FAM193A: variants seen among roughly 807,000 people sequenced by gnomAD.
FAM193A encodes the protein protein FAM193A.
A neutral mutation model predicts 126.5 loss-of-function variants in FAM193A; 22 were observed. The ratio of observed to expected loss-of-function variants is 0.17; its 90% confidence interval spans 0.12 to 0.25. The LOEUF is 0.25. Ranked by LOEUF, FAM193A falls within the 10% of genes least tolerant of loss-of-function variation. FAM193A has a pLI of 1.00. For synonymous variants in FAM193A, 761 were observed against 646.8 expected (o/e 1.18, Z -2.68); for missense variants, 1,675 against 1,672.8 (o/e 1.00, Z -0.02).
chr4:2,602,425 G>A (rs1254417908), intron 2 of FAM193A, among the ~76,000 whole-genome samples: 1 of 150,446 alleles, frequency 6.6e-6, no homozygotes, highest in Non-Finnish European at 1.5e-5. Flanking sequence ...TGTGATCTCG[G>A]CTCACTGAAA....
At chr4:2,719,680 GGTT>G (rs1443515048) in intron 20 of FAM193A, among the ~76,000 whole-genome samples, 3 of 151,424 alleles carry the variant, frequency 2.0e-5, no homozygotes, top group Non-Finnish European at 4.4e-5. Context: ...GGGAGGCGGA[GGTT>G]GTGGTGAGCC....
intron 12 of FAM193A, among the ~76,000 whole-genome samples, chr4:2,669,610 C>CAATA (rs1560545661): frequency 1.3e-5 from 2 of 151,786 alleles, no homozygotes; most frequent in African/African-American, 2.4e-5. Context: ...TCCGTCTCAA[C>CAATA]AATAAATAAA....
intron 19 of FAM193A, among the ~76,000 whole-genome samples, chr4:2,705,540 C>G (rs1718205271): frequency 2.6e-5 from 4 of 151,512 alleles, no homozygotes; most frequent in Admixed American, 2.6e-4. Context: ...TCCAATTTCT[C>G]TTTTTCCAAA....
intron 7 of FAM193A, among the ~76,000 whole-genome samples, chr4:2,657,491 A>C (rs1162580175): frequency 2.0e-5 from 3 of 152,204 alleles, no homozygotes; most frequent in Non-Finnish European, 4.4e-5. Context: ...CATTCAGGGC[A>C]CATAATGGGC....
chr4:2,727,246 A>G (rs956726007), intron 20 of FAM193A, among the ~76,000 whole-genome samples: 3 of 151,286 alleles, frequency 2.0e-5, no homozygotes, highest in African/African-American at 7.3e-5. Context: ...CAACAGCAAG[A>G]CTCCGTCTCA....
intron 13 of FAM193A, among the ~76,000 whole-genome samples, chr4:2,679,099 AG>A (rs1275380314): frequency 6.6e-6 from 1 of 151,908 alleles, no homozygotes; most frequent in Non-Finnish European, 1.5e-5. Context: ...TTCTATTCCT[AG>A]TTTGTTGGGT....
At chr4:2,728,670 G>GT (rs1238625056) in intron 20 of FAM193A, among the ~76,000 whole-genome samples, 5 of 152,086 alleles carry the variant, frequency 3.3e-5, no homozygotes, top group Admixed American at 2.0e-4. Context: ...GTCTGTGTGT[G>GT]TTGGCTTTGA....
chr4:2,642,059 G>A (rs1160523977), intron 6 of FAM193A, among the ~76,000 whole-genome samples: 4 of 151,424 alleles, frequency 2.6e-5, no homozygotes, highest in Non-Finnish European at 5.9e-5. Context: ...GGGAGGTCGA[G>A]GCGGGCAGAT....
chr4:2,598,173 A>G (rs1354526556), intron 2 of FAM193A, among the ~76,000 whole-genome samples: 1 of 152,186 alleles, frequency 6.6e-6, no homozygotes, highest in East Asian at 1.9e-4. Flanking sequence ...GATTATAGGC[A>G]TGAGCCACCG....
intron 1 of FAM193A, among the ~76,000 whole-genome samples, chr4:2,563,495 G>A (rs1014762073): frequency 6.6e-6 from 1 of 151,692 alleles, no homozygotes; most frequent in East Asian, 1.9e-4. Context: ...GCTTGAGGTC[G>A]GGAGTTCAAG....
At chr4:2,682,589 G>T (rs1715277648) in intron 13 of FAM193A, among the ~76,000 whole-genome samples, 2 of 152,150 alleles carry the variant, frequency 1.3e-5, no homozygotes, top group Non-Finnish European at 2.9e-5. Context: ...TATTCATTAT[G>T]AGTCTTTTTC....
intron 1 of FAM193A, among the ~76,000 whole-genome samples, chr4:2,548,439 A>G (rs1737703909): frequency 6.6e-6 from 1 of 151,550 alleles, no homozygotes. Context: ...ATAATTTGCC[A>G]ACATTTTCTT....
intron 2 of FAM193A, among the ~76,000 whole-genome samples, chr4:2,620,007 A>G (rs955790842): frequency 2.6e-5 from 4 of 152,026 alleles, no homozygotes; most frequent in African/African-American, 7.2e-5. Context: ...ATCTGTTTCT[A>G]TTGATTGGCT....
chr4:2,594,891 T>C (rs143939440), intron 1 of FAM193A, among the ~76,000 whole-genome samples: 6,178 of 133,926 alleles, frequency 0.046, 457 homozygotes, highest in African/African-American at 0.16. Flanking sequence ...TGCAGTGGCG[T>C]GATCTTGGCT....
intron 2 of FAM193A, among the ~76,000 whole-genome samples, chr4:2,618,952 G>A (rs1025073372): frequency 9.9e-5 from 15 of 152,058 alleles, no homozygotes; most frequent in Non-Finnish European, 1.8e-4. Flanking sequence ...GACTGGTCTC[G>A]AACTCCTGAC....
At position 2,700,423 on chromosome 4, in the gene FAM193A, G is replaced by C. The variant is rs1717584354; in HGVS notation, c.4251G>C (p.Glu1417Asp). ...AAAAGTCAAACCCAACCCCTATGGA[G>C]CCCACCTCTCCCGGTGAGCATCAGC... is the stretch of plus-strand genomic sequence containing the variant. ...KDEKSNPTPM[E>D]PTSPGEHQQN... The change falls in exon 19 of 21, where the codon GAG becomes GAC. Residue 1417 changes from glutamate to aspartate, a missense_variant. By Grantham distance (45) the Glu-to-Asp change is conservative. This residue lies in a region of FAM193A where 415 missense variants were observed against 396.7 expected (regional missense o/e 1.05). Coordinates refer to ENST00000637812, the MANE Select transcript of FAM193A (RefSeq NM_001366318.2). 1.9e-6 allele frequency: 3 copies of C among 1,614,184 alleles called. No homozygotes were observed. Among genetic ancestry groups the C allele is most frequent in the Non-Finnish European group, 8.5e-7 (1 of 1,180,032 alleles).
At chr4:2,541,451 T>C in intron 1 of FAM193A, among the ~76,000 whole-genome samples, 1 of 150,716 alleles carries the variant, frequency 6.6e-6, no homozygotes, top group South Asian at 2.1e-4. Context: ...GTGTACTTTT[T>C]TTTTTTTTTT....
At chr4:2,555,818 C>T (rs1041305356) in intron 1 of FAM193A, among the ~76,000 whole-genome samples, 3 of 151,940 alleles carry the variant, frequency 2.0e-5, no homozygotes, top group African/African-American at 7.2e-5. Flanking sequence ...GGGGTTTCAC[C>T]GTGTTAGCCG....
chr4:2,590,900 G>A lies in FAM193A; in HGVS notation c.256-5184G>A, dbSNP rs1320640723. 2.0e-5 allele frequency among the ~76,000 whole-genome samples: 3 copies of A among 151,796 alleles called. No homozygotes were observed. The East Asian group carries it at 5.8e-4, about 29-fold the overall frequency. On this transcript the variant is annotated intron_variant, in intron 1 of 20. Transcript: ENST00000637812. ...AAATTAACCAGGCGTGGTGGCGCGC[G>A]CCTGTAATCCCAGCTACTTGGTAGG...
Sources: allele counts gnomAD v4.1 joint callset (sites outside exome capture counted in the v4.1 genomes callset), GRCh38; gene constraint gnomAD v4.1.1; regional missense constraint gnomAD v4.1.1; transcripts MANE v1.5; gene names NCBI Gene and HGNC (gene_info 2026-07-23, HGNC 2026-07-21).